The following TTBK1 variants were observed in gnomAD, a reference collection of about 807,000 sequenced individuals.
TTBK1 encodes tau tubulin kinase 1.
A neutral mutation model predicts 108.5 loss-of-function variants in TTBK1; 34 were observed. The ratio of observed to expected loss-of-function variants is 0.31; its 90% CI spans 0.24 to 0.42. The LOEUF is 0.42. TTBK1 is among the 10% of genes least tolerant of loss of function. TTBK1 has a pLI of 1.00. For synonymous variants in TTBK1, 809 were observed against 795.1 expected (o/e 1.02, Z -0.29); for missense variants, 1,539 against 1,826.0 (o/e 0.84, Z 2.86).
At position 43,253,379 on chromosome 6, in the gene TTBK1, C is replaced by T; in HGVS notation, c.330+15C>T. On this transcript the variant is annotated intron_variant, in intron 4 of 14. Coordinates refer to ENST00000259750, the MANE Select transcript of TTBK1 (RefSeq NM_032538.3). The surrounding 1 kb of genome is among the most constrained non-coding windows in gnomAD (Gnocchi z 5.8). ...TGCAGCTCCAGGTGAGTCCCCGTGG[C>T]CCATCCTCGCTCCCCTCTCTAAGAG... 1 of 1,613,578 alleles carries T rather than the reference C, an allele frequency of 6.2e-7. No homozygotes were observed. Among genetic ancestry groups the T allele is most frequent in the East Asian group, 2.2e-5 (1 of 44,888 alleles).
At chr6:43,284,936 T>C in intron 14 of TTBK1, 47 bp from the exon 15 acceptor site, 1 of 1,488,338 alleles carries the variant, frequency 6.7e-7, no homozygotes, top group South Asian at 1.3e-5. Context: ...TCTCCTTGTT[T>C]TGTTTCTTTG....
In TTBK1 at chr6:43,269,180, G is replaced by A. The variant is rs1436005714; in HGVS notation, c.1986+5830G>A. Reference sequence around the variant, plus strand: ...GATGGGGCGGGGGTGCCAAGGCGGAGGGTGTACAGGGAAAGTTTCTGAGCC... The same window carrying A: ...GATGGGGCGGGGGTGCCAAGGCGGAAGGTGTACAGGGAAAGTTTCTGAGCC... On this transcript the variant is annotated intron_variant, in intron 13 of 14. Coordinates refer to ENST00000259750, the MANE Select transcript of TTBK1 (RefSeq NM_032538.3). This position sits in a 1 kb window ranked among gnomAD's most constrained non-coding sequence, Gnocchi z 4.8. 1.3e-5 allele frequency among the ~76,000 whole-genome samples: 2 copies of A among 152,254 alleles called. No homozygotes were observed. The highest frequency in any genetic ancestry group is 2.9e-5 in the Non-Finnish European group (2 of 68,040).
chr6:43,270,156 C>T (rs1777789354), intron 13 of TTBK1: 1 of 1,363,884 alleles, frequency 7.3e-7, no homozygotes, highest in East Asian at 3.0e-5. Context: ...TCCCCATCAG[C>T]TCCCTTTGTA....
rs185236118 is a variant in TTBK1 at position 43,246,643 on chromosome 6, C to T, written c.-18C>T. On this transcript the variant is annotated 5_prime_UTR_variant, in exon 2 of 15. Transcript: ENST00000259750. The stretch of plus-strand genomic sequence containing the variant: ...CCTCAGGGCAGGCCCGGCGGACACC[C>T]CTCCCTCTGGCTGGCGGATGCAGTG... 1 of 1,584,992 alleles carries T rather than the reference C, an allele frequency of 6.3e-7. No homozygotes were observed. Among genetic ancestry groups the T allele is most frequent in the Non-Finnish European group, 8.6e-7 (1 of 1,163,382 alleles).
In TTBK1 at chr6:43,257,253, G is replaced by A. The variant is rs1335133003; in HGVS notation, c.862-559G>A. On this transcript the variant is annotated intron_variant, in intron 9 of 14. Transcript: ENST00000259750. This position sits in a 1 kb window ranked among gnomAD's most constrained non-coding sequence, Gnocchi z 4.5. ...GGCTTAGCCTCATGGGATCCCCAAA[G>A]CCACACAGCTGCGAGCACCCCCCAG... 1.3e-5 allele frequency among the ~76,000 whole-genome samples: 2 copies of A among 152,356 alleles called. No homozygotes were observed. The highest frequency in any genetic ancestry group is 2.1e-4 in the South Asian group (1 of 4,832).
At position 43,281,300 on chromosome 6, in the gene TTBK1, C is replaced by T. The variant is rs189697299; in HGVS notation, c.1987-1427C>T. Among the ~76,000 whole-genome samples, 623 of 149,738 alleles carry T rather than the reference C, an allele frequency of 4.2e-3. 6 individuals carry two copies. Among genetic ancestry groups the T allele is most frequent in the African/African-American group, 0.014 (580 of 40,530 alleles). Reference sequence around the variant, plus strand: ...CTGAGATGGGAGAATCACTTGAACCCGGGAGGCAGAGGTTGCAGTGAGCCG... The same window carrying T: ...CTGAGATGGGAGAATCACTTGAACCTGGGAGGCAGAGGTTGCAGTGAGCCG... On this transcript the variant is annotated intron_variant, in intron 13 of 14. Coordinates refer to ENST00000259750, the MANE Select transcript of TTBK1 (RefSeq NM_032538.3).
At position 43,265,967 on chromosome 6, in the gene TTBK1, C is replaced by T. The variant is rs1001370603; in HGVS notation, c.1986+2617C>T. Among the ~76,000 whole-genome samples the T allele has an allele frequency of 6.6e-6, 1 of 151,984 alleles. No homozygotes were observed. The highest frequency in any genetic ancestry group is 2.4e-5 in the African/African-American group (1 of 41,354). ...CATCCTCACTTTGGGGAATTCTGGC[C>T]AAGCGGGTGGGGAGAGAGAGATTTG... On this transcript the variant is annotated intron_variant, in intron 13 of 14. Transcript: ENST00000259750. The surrounding 1 kb of genome is among the most constrained non-coding windows in gnomAD (Gnocchi z 4.1).
intron 13 of TTBK1, chr6:43,270,554 C>G (rs780479859): frequency 1.0e-6 from 1 of 985,446 alleles, no homozygotes; most frequent in Non-Finnish European, 1.2e-6. Context: ...TGTGACCTAG[C>G]GAGACTTTCT....
chr6:43,260,880 C>T (rs1479799153), intron 12 of TTBK1, among the ~76,000 whole-genome samples: 1 of 151,996 alleles, frequency 6.6e-6, no homozygotes, highest in Non-Finnish European at 1.5e-5. Flanking sequence ...ATTTGGATTT[C>T]CCACCCCACT....
At position 43,280,441 on chromosome 6, in the gene TTBK1, C is replaced by A. The variant is rs1274450068; in HGVS notation, c.1987-2286C>A. Among the ~76,000 whole-genome samples the A allele has an allele frequency of 3.9e-5, 6 of 152,262 alleles. No homozygotes were observed. In the East Asian group the frequency reaches 1.2e-3, roughly 29 times the overall value. On this transcript the variant is annotated intron_variant, in intron 13 of 14. Transcript: ENST00000259750. ...ACATTTATTGAGCAACTGCTATATG[C>A]CTTTGCTTATATGACCTCATTTATG...
Position 43,285,185 on chromosome 6 carries a change from A to C in TTBK1, c.3775A>C (p.Ser1259Arg). The change falls in exon 15 of 15, where the codon AGC becomes CGC. Residue 1259 changes from serine (S) to arginine (R), a missense_variant. Physicochemically the swap from Ser to Arg is moderately radical, Grantham distance 110. Coordinates refer to ENST00000259750, the MANE Select transcript of TTBK1 (RefSeq NM_032538.3). The surrounding 1 kb of genome is among the most constrained non-coding windows in gnomAD (Gnocchi z 4.7). ...PRSQSLSRRE[S>R]PSPSHQARPG... ...GAGCCAGTCCCTGTCCCGCAGAGAG[A>C]GCCCCTCCCCCTCGCACCAGGCCCG... 1 of 1,370,652 alleles carries C rather than the reference A, an allele frequency of 7.3e-7. No homozygotes were observed. Among genetic ancestry groups the C allele is most frequent in the Middle Eastern group, 2.2e-4 (1 of 4,504 alleles). 84.9% of individuals were successfully genotyped at this position (1,370,652 alleles called of 1,614,324 possible).
At chr6:43,247,747 G>T (rs1777133230) in intron 2 of TTBK1, among the ~76,000 whole-genome samples, 2 of 152,152 alleles carry the variant, frequency 1.3e-5, no homozygotes, top group African/African-American at 4.8e-5. Context: ...TGAGGCCCGG[G>T]TGCAGGCGGG....
At chr6:43,248,410 A>G (rs372999835) in intron 2 of TTBK1, among the ~76,000 whole-genome samples, 1 of 152,094 alleles carries the variant, frequency 6.6e-6, no homozygotes, top group Admixed American at 6.6e-5. Flanking sequence ...GGTCAGTGGC[A>G]CTAGATGTGG....
chr6:43,246,792 A>C, intron 2 of TTBK1, 24 bp downstream of exon 2: 1 of 1,587,828 alleles, frequency 6.3e-7, no homozygotes, highest in Non-Finnish European at 8.6e-7. Context: ...CCGGCGGGAC[A>C]GAGGGAGGGT....
At position 43,283,650 on chromosome 6, in the gene TTBK1, T is replaced by C. The variant is rs773349991; in HGVS notation, c.2910T>C (p.Ala970=). Residue 970 remains alanine (A), a synonymous_variant, in exon 14 of 15, where the codon GCT becomes GCC. Coordinates refer to ENST00000259750, the MANE Select transcript of TTBK1 (RefSeq NM_032538.3). The surrounding 1 kb of genome is among the most constrained non-coding windows in gnomAD (Gnocchi z 8.1). ...LGLELASDGG[A]VEEGARAPLE... ...TGGAGCTGGCCTCTGATGGGGGCGC[T>C]GTGGAGGAGGGGGCCCGAGCGCCCC... 4.9e-5 allele frequency: 79 copies of C among 1,613,928 alleles called. No homozygotes were observed. In the South Asian group the frequency reaches 7.9e-4, roughly 16 times the overall value.
At position 43,262,684 on chromosome 6, in the gene TTBK1, G is replaced by A. The variant is rs185379314; in HGVS notation, c.1425-105G>A. 36 of 1,165,972 alleles carry A rather than the reference G, an allele frequency of 3.1e-5. No homozygotes were observed. In the East Asian group the frequency reaches 9.1e-4, roughly 29 times the overall value. 72.2% of individuals were successfully genotyped at this position (1,165,972 alleles called of 1,614,324 possible). A position where few individuals can be genotyped will look rare whatever the true frequency, so the allele number is the denominator to read the frequency against. Reference sequence around the variant, plus strand: ...CCTGGCTCAGGGTGGGAGGGGTACTGCGGTCAGGAGGTTTTGGGAGTCACG... The same window carrying A: ...CCTGGCTCAGGGTGGGAGGGGTACTACGGTCAGGAGGTTTTGGGAGTCACG... On this transcript the variant is annotated intron_variant, in intron 12 of 14. Coordinates refer to ENST00000259750, the MANE Select transcript of TTBK1 (RefSeq NM_032538.3).
At chr6:43,264,669 G>T (rs1200399407) in intron 13 of TTBK1, among the ~76,000 whole-genome samples, 1 of 152,156 alleles carries the variant, frequency 6.6e-6, no homozygotes, top group Non-Finnish European at 1.5e-5. Flanking sequence ...AGGAGCACAG[G>T]GGAGAAGGTC....
Position 43,283,761 on chromosome 6 carries a change from A to C in TTBK1, c.3021A>C (p.Ser1007=). Residue 1007 remains serine (S), a synonymous_variant, in exon 14 of 15, where the codon TCA becomes TCC. Coordinates refer to ENST00000259750, the MANE Select transcript of TTBK1 (RefSeq NM_032538.3). This position sits in a 1 kb window ranked among gnomAD's most constrained non-coding sequence, Gnocchi z 8.1. Reference sequence around the variant, plus strand: ...CTGGGGCCCCCCGGGAAACCCCCTCAGAGATGGCCACAAACTCACTGCCCA... The same window carrying C: ...CTGGGGCCCCCCGGGAAACCCCCTCCGAGATGGCCACAAACTCACTGCCCA... ...ALSGAPRETP[S]EMATNSLPNG... The C allele has an allele frequency of 6.2e-7, 1 of 1,613,688 alleles. No individual in the cohort carries two copies. Among genetic ancestry groups the C allele is most frequent in the East Asian group, 2.2e-5 (1 of 44,870 alleles).
At chr6:43,246,795 G>A (rs764232899) in intron 2 of TTBK1, 27 bp downstream of exon 2, 11 of 1,584,080 alleles carry the variant, frequency 6.9e-6, no homozygotes, top group Middle Eastern at 3.4e-4. Flanking sequence ...GCGGGACAGA[G>A]GGAGGGTAGC....
Sources: gnomAD v4.1 joint callset for allele counts (sites outside exome capture counted in the v4.1 genomes callset) on GRCh38, gnomAD v4.1.1 for gene constraint, Gnocchi (gnomAD v3.1) non-coding constraint, MANE v1.5 for transcripts, NCBI Gene and HGNC (gene_info 2026-07-23, HGNC 2026-07-21) for gene names.